FAM43A: variants seen among roughly 807,000 people sequenced by gnomAD.
FAM43A encodes family with sequence similarity 43 member A, also known as protein FAM43A.
Under a neutral mutation model 15.7 loss-of-function variants are expected in FAM43A, and 11 were observed. That is an observed-to-expected ratio of 0.70 (90% CI 0.44 to 1.16). FAM43A has a LOEUF of 1.16. FAM43A is among the 50% of genes most tolerant of loss of function. FAM43A has a pLI of 0.00. For missense variants in FAM43A, 573 were observed against 620.0 expected (o/e 0.92, Z 0.80); for synonymous variants, 319 against 291.7 (o/e 1.09, Z -0.96).
rs1200647182 is a variant in FAM43A, at chr3:194,687,799, C to G, written c.973C>G (p.Leu325Val). 1 of 1,458,972 alleles carries G rather than the reference C, an allele frequency of 6.9e-7. No individual in the cohort carries two copies. Among genetic ancestry groups the G allele is most frequent in the Non-Finnish European group, 9.1e-7 (1 of 1,102,132 alleles). 90.4% of individuals were successfully genotyped at this position (1,458,972 alleles called of 1,614,324 possible). A position where few individuals can be genotyped will look rare whatever the true frequency, so the allele number is the denominator to read the frequency against. The change falls in exon 1 of 1, where the codon CTA becomes GTA. Residue 325 changes from leucine (L) to valine (V), a missense_variant. Coordinates refer to ENST00000329759, the MANE Select transcript of FAM43A (RefSeq NM_153690.5). ...DTLENGRGEA[L>V]GGGGGSLGPG... ...TCTGGAGAATGGCCGTGGGGAGGCG[C>G]TAGGAGGCGGCGGGGGCTCCCTGGG...
chr3:194,686,699 C>T lies in FAM43A; in HGVS notation c.-128C>T, dbSNP rs1054399072. 53 of 965,228 alleles carry T rather than the reference C, an allele frequency of 5.5e-5. No individual in the cohort carries two copies. Among genetic ancestry groups the T allele is most frequent in the Middle Eastern group, 3.5e-4 (1 of 2,860 alleles). 59.8% of individuals were successfully genotyped at this position (965,228 alleles called of 1,614,324 possible). The stretch of plus-strand genomic sequence containing the variant: ...CTCCCCCCAACTCCCTACCACAGGG[C>T]CGCTCCCAGTAGTTTTATTCTTCGA... On this transcript the variant is annotated 5_prime_UTR_variant, in exon 1 of 1. Coordinates refer to ENST00000329759, the MANE Select transcript of FAM43A (RefSeq NM_153690.5).
In FAM43A at chr3:194,686,700, C is replaced by G. The variant is rs893047303; in HGVS notation, c.-127C>G. The G allele has an allele frequency of 2.1e-6, 2 of 972,738 alleles. No individual in the cohort carries two copies. The highest frequency in any genetic ancestry group is 2.7e-6 in the Non-Finnish European group (2 of 737,908). The allele number at this position is 972,738 out of a possible 1,614,324, so 60.3% of individuals were successfully genotyped here. On this transcript the variant is annotated 5_prime_UTR_variant, in exon 1 of 1. Transcript: ENST00000329759. ...TCCCCCCAACTCCCTACCACAGGGC[C>G]GCTCCCAGTAGTTTTATTCTTCGAT...
In FAM43A at chr3:194,686,022, C is replaced by T. The variant is rs1159877471; in HGVS notation, c.-805C>T. Among the ~76,000 whole-genome samples, 5 of 152,302 alleles carry T rather than the reference C, an allele frequency of 3.3e-5. No individual in the cohort carries two copies. The highest frequency in any genetic ancestry group is 1.2e-4 in the African/African-American group (5 of 41,564). On this transcript the variant is annotated 5_prime_UTR_variant, in exon 1 of 1. Coordinates refer to ENST00000329759, the MANE Select transcript of FAM43A (RefSeq NM_153690.5). Reference sequence around the variant, plus strand: ...GGAAGAAATGAGGTAGCGGCGGTTCCCGGACCCGGCCATGCCCGTCCCCTG... The same window carrying T: ...GGAAGAAATGAGGTAGCGGCGGTTCTCGGACCCGGCCATGCCCGTCCCCTG...
Position 194,686,765 on chromosome 3 carries a change from G to A in FAM43A, c.-62G>A, listed in dbSNP as rs1004047025. On this transcript the variant is annotated 5_prime_UTR_variant, in exon 1 of 1. Transcript: ENST00000329759. The stretch of plus-strand genomic sequence containing the variant: ...GCCTGGCAGGGGCCGGTGGCTCAGC[G>A]GGCCTCGCACCCGGCGCTCCGCCGC... 7 of 1,340,746 alleles carry A rather than the reference G, an allele frequency of 5.2e-6. No individual in the cohort carries two copies. In the African/African-American group the frequency reaches 9.3e-5, roughly 18 times the overall value. The allele number at this position is 1,340,746 out of a possible 1,614,324, so 83.1% of individuals were successfully genotyped here.
At position 194,686,972 on chromosome 3, in the gene FAM43A, G is replaced by A; in HGVS notation, c.146G>A (p.Arg49Gln). ...ARACPEGALS[R>Q]VGSMFRSKRK... ...GCGTGCCCCGAAGGCGCGCTTAGCC[G>A]GGTGGGCAGCATGTTCCGCTCCAAG... Residue 49 changes from arginine (R) to glutamine (Q), a missense_variant, in exon 1 of 1, where the codon CGG becomes CAG. Arg to Gln is a conservative substitution (Grantham distance 43). Transcript: ENST00000329759. 1 of 1,610,888 alleles carries A rather than the reference G, an allele frequency of 6.2e-7. No individual in the cohort carries two copies. Among genetic ancestry groups the A allele is most frequent in the Non-Finnish European group, 8.5e-7 (1 of 1,178,070 alleles).
rs1719464278 is a variant in FAM43A, at chr3:194,688,022, ACGCCACCTC to A, written c.1204_1212del (p.Ser402_Thr404del). 6 of 1,419,810 alleles carry A rather than the reference ACGCCACCTC, an allele frequency of 4.2e-6. No individual in the cohort carries two copies. The highest frequency in any genetic ancestry group is 1.7e-5 in the South Asian group (1 of 59,956). 88.0% of individuals were successfully genotyped at this position (1,419,810 alleles called of 1,614,324 possible). A position where few individuals can be genotyped will look rare whatever the true frequency, so the allele number is the denominator to read the frequency against. On this transcript the variant is annotated inframe_deletion, in exon 1 of 1. Transcript: ENST00000329759. ...AGCTCCATCGAGGGCGGGGGCCCTG[ACGCCACCTC>A]CGCCACCGCCGGGGACTCGTCCCGC...
Position 194,687,159 on chromosome 3 carries a change from G to A in FAM43A, c.333G>A (p.Leu111=). ...GCCGTCAGGGCACCAAGATGAAGCT[G>A]ACGGTGAGTGCGCAGGGTATCCGCA... ...EAGRQGTKMK[L]TVSAQGIRMV... is the part of the protein sequence containing the mutation. The change falls in exon 1 of 1, where the codon CTG becomes CTA. Residue 111 remains leucine (L), a synonymous_variant. Coordinates refer to ENST00000329759, the MANE Select transcript of FAM43A (RefSeq NM_153690.5). 1 of 1,612,244 alleles carries A rather than the reference G, an allele frequency of 6.2e-7. No homozygotes were observed. The highest frequency in any genetic ancestry group is 1.3e-5 in the African/African-American group (1 of 75,068).
Position 194,688,291 on chromosome 3 carries a change from T to C in FAM43A, c.*193T>C. The C allele has an allele frequency of 1.7e-6, 1 of 595,438 alleles. No individual in the cohort carries two copies. Among genetic ancestry groups the C allele is most frequent in the Non-Finnish European group, 2.5e-6 (1 of 394,304 alleles). The allele number at this position is 595,438 out of a possible 1,614,324, so 36.9% of individuals were successfully genotyped here. On this transcript the variant is annotated 3_prime_UTR_variant, in exon 1 of 1. Transcript: ENST00000329759. ...GGCCCCCGCTCCCGCCCCAGCACTTTTGGCTCTGTTGCGCGTGGGGATGCG... is the reference window on the plus strand; with the variant it reads ...GGCCCCCGCTCCCGCCCCAGCACTTCTGGCTCTGTTGCGCGTGGGGATGCG...
chr3:194,687,659 G>T lies in FAM43A; in HGVS notation c.833G>T (p.Cys278Phe), dbSNP rs1350165768. The T allele has an allele frequency of 3.2e-6, 5 of 1,562,720 alleles. No homozygotes were observed. In the South Asian group the frequency reaches 4.7e-5, roughly 15 times the overall value. The change falls in exon 1 of 1, where the codon TGC becomes TTC. Residue 278 changes from cysteine (C) to phenylalanine (F), a missense_variant. Physicochemically the swap from Cys to Phe is radical, Grantham distance 205 (BLOSUM62 -2). Transcript: ENST00000329759. ...GAGGAAGAGGAGCAACCCGAGGGCT[G>T]CCCGGAGGAGGAGGAGAACCGTGCG... ...EEEEEEQPEG[C>F]PEEEENRAAE...
In FAM43A at chr3:194,686,429, T is replaced by G; in HGVS notation, c.-398T>G. On this transcript the variant is annotated 5_prime_UTR_variant, in exon 1 of 1. Transcript: ENST00000329759. ...CCGGGTGCTGTTGCTGGGGCTCTCT[T>G]TATTTGCACGCGCGCTTCTAGCTTT... 1.2e-5 allele frequency: 2 copies of G among 164,884 alleles called. No individual in the cohort carries two copies. Among genetic ancestry groups the G allele is most frequent in the Non-Finnish European group, 2.6e-5 (2 of 77,108 alleles). 10.2% of individuals were successfully genotyped at this position (164,884 alleles called of 1,614,324 possible).
chr3:194,686,480 T>C lies in FAM43A; in HGVS notation c.-347T>C, dbSNP rs116413184. ...TTTCCTGACATTTTCCACTCTACGC[T>C]CGTTCTTTCTCCCTTGCATTTTGTT... On this transcript the variant is annotated 5_prime_UTR_variant, in exon 1 of 1. Transcript: ENST00000329759. 9.4e-3 allele frequency: 2,028 copies of C among 216,352 alleles called. 50 individuals carry two copies. Among genetic ancestry groups the C allele is most frequent in the African/African-American group, 0.044 (1,910 of 43,686 alleles). 13.4% of individuals were successfully genotyped at this position (216,352 alleles called of 1,614,324 possible).
At position 194,687,835 on chromosome 3, in the gene FAM43A, GGGC is replaced by G; in HGVS notation, c.1010_1012del (p.Gly337_Pro338delinsAla). 1 of 1,447,760 alleles carries G rather than the reference GGGC, an allele frequency of 6.9e-7. No individual in the cohort carries two copies. Among genetic ancestry groups the G allele is most frequent in the Non-Finnish European group, 9.1e-7 (1 of 1,098,336 alleles). The allele number at this position is 1,447,760 out of a possible 1,614,324, so 89.7% of individuals were successfully genotyped here. A position where few individuals can be genotyped will look rare whatever the true frequency, so the allele number is the denominator to read the frequency against. On this transcript the variant is annotated inframe_deletion, in exon 1 of 1. Coordinates refer to ENST00000329759, the MANE Select transcript of FAM43A (RefSeq NM_153690.5). ...CGGGGGCTCCCTGGGCCCGGGGGCC[GGGC>G]CGCCGCCTCTGCTGCTGGGCAGCGC...
At position 194,687,222 on chromosome 3, in the gene FAM43A, C is replaced by T; in HGVS notation, c.396C>T (p.Gly132=). The change falls in exon 1 of 1, where the codon GGC becomes GGT. Residue 132 remains glycine, a synonymous_variant. Coordinates refer to ENST00000329759, the MANE Select transcript of FAM43A (RefSeq NM_153690.5). ...HAEERALRRP[G]HLYLLHRVTY... ...AGGAGCGCGCGCTGCGCCGCCCGGG[C>T]CACCTCTACCTGCTGCACCGCGTCA... 6.2e-7 allele frequency: 1 copy of T among 1,603,356 alleles called. No homozygotes were observed. The highest frequency in any genetic ancestry group is 2.2e-5 in the East Asian group (1 of 44,828).
Position 194,686,084 on chromosome 3 carries a change from C to A in FAM43A, c.-743C>A, listed in dbSNP as rs1025934045. On this transcript the variant is annotated 5_prime_UTR_variant, in exon 1 of 1. Coordinates refer to ENST00000329759, the MANE Select transcript of FAM43A (RefSeq NM_153690.5). The stretch of plus-strand genomic sequence containing the variant: ...CAGCGCCGTCTCGGCCAGGCCAGCC[C>A]GGACACTGAGCGGGCCGAGCGCGAG... 6.6e-6 allele frequency among the ~76,000 whole-genome samples: 1 copy of A among 152,232 alleles called. No individual in the cohort carries two copies. Among genetic ancestry groups the A allele is most frequent in the Non-Finnish European group, 1.5e-5 (1 of 68,044 alleles).
In FAM43A at chr3:194,687,987, G is replaced by C. The variant is rs11914982; in HGVS notation, c.1161G>C (p.Thr387=). ...RVTRLLSGDS[T]GSESSIEGGG... ...CGCGCCTGCTGTCAGGCGACAGCAC[G>C]GGCAGCGAGAGCTCCATCGAGGGCG... Residue 387 remains threonine (T), a synonymous_variant, in exon 1 of 1, where the codon ACG becomes ACC. Transcript: ENST00000329759. 52,231 of 1,429,858 alleles carry C rather than the reference G, an allele frequency of 0.037. 2,967 individuals are homozygous for C. Among genetic ancestry groups the C allele is most frequent in the African/African-American group, 0.25 (16,982 of 67,072 alleles). 88.6% of individuals were successfully genotyped at this position (1,429,858 alleles called of 1,614,324 possible). A position where few individuals can be genotyped will look rare whatever the true frequency, so the allele number is the denominator to read the frequency against.
chr3:194,687,705 G>A lies in FAM43A; in HGVS notation c.879G>A (p.Glu293=), dbSNP rs1430667869. The A allele has an allele frequency of 1.9e-6, 3 of 1,562,772 alleles. No individual in the cohort carries two copies. The Middle Eastern group carries it at 5.0e-4, about 261-fold the overall frequency. The change falls in exon 1 of 1, where the codon GAG becomes GAA. Residue 293 remains glutamate (E), a synonymous_variant. Coordinates refer to ENST00000329759, the MANE Select transcript of FAM43A (RefSeq NM_153690.5). The part of the protein sequence containing the change: ...ENRAAEGDPA[E]EEAEAQRALV... ...GTGCGGCAGAGGGAGATCCAGCAGAGGAGGAGGCCGAGGCGCAGCGTGCGC... is the reference window on the plus strand; with the variant it reads ...GTGCGGCAGAGGGAGATCCAGCAGAAGAGGAGGCCGAGGCGCAGCGTGCGC...
rs530650379 is a variant in FAM43A, at chr3:194,688,153, A to T, written c.*55A>T. ...GTGGCTACCCATCCGTGGTCCCGAC[A>T]ACCTCCCTGTCCCTTGCCCGCCCCC... On this transcript the variant is annotated 3_prime_UTR_variant, in exon 1 of 1. Transcript: ENST00000329759. 3.0e-4 allele frequency: 387 copies of T among 1,300,210 alleles called. 2 individuals are homozygous for T. The African/African-American group carries it at 5.6e-3, about 19-fold the overall frequency. 80.5% of individuals were successfully genotyped at this position (1,300,210 alleles called of 1,614,324 possible).
At position 194,687,492 on chromosome 3, in the gene FAM43A, G is replaced by C. The variant is rs748069915; in HGVS notation, c.666G>C (p.Pro222=). 1 of 1,541,960 alleles carries C rather than the reference G, an allele frequency of 6.5e-7. No individual in the cohort carries two copies. The highest frequency in any genetic ancestry group is 8.8e-7 in the Non-Finnish European group (1 of 1,141,250). ...AGCTGGTGGGCGCACACACCATCCCGCTAGTGCCGCTGCGCAAGCTGCTCC... is the reference window on the plus strand; with the variant it reads ...AGCTGGTGGGCGCACACACCATCCCCCTAGTGCCGCTGCGCAAGCTGCTCC... The part of the protein sequence containing the change: ...QQELVGAHTI[P]LVPLRKLLLH... The change falls in exon 1 of 1, where the codon CCG becomes CCC. Residue 222 remains proline, a synonymous_variant. Transcript: ENST00000329759.
Position 194,687,830 on chromosome 3 carries a change from G to T in FAM43A, c.1004G>T (p.Gly335Val). 2 of 1,447,204 alleles carry T rather than the reference G, an allele frequency of 1.4e-6. No homozygotes were observed. Among genetic ancestry groups the T allele is most frequent in the South Asian group, 3.0e-5 (2 of 67,222 alleles). The allele number at this position is 1,447,204 out of a possible 1,614,324, so 89.6% of individuals were successfully genotyped here. ...GGCGGCGGGGGCTCCCTGGGCCCGGGGGCCGGGCCGCCGCCTCTGCTGCTG... is the reference window on the plus strand; with the variant it reads ...GGCGGCGGGGGCTCCCTGGGCCCGGTGGCCGGGCCGCCGCCTCTGCTGCTG... ...LGGGGGSLGP[G>V]AGPPPLLLGS... Residue 335 changes from glycine to valine, a missense_variant, in exon 1 of 1, where the codon GGG becomes GTG. Coordinates refer to ENST00000329759, the MANE Select transcript of FAM43A (RefSeq NM_153690.5).
Sources: gnomAD v4.1 joint callset for allele counts (sites outside exome capture counted in the v4.1 genomes callset) on GRCh38, gnomAD v4.1.1 for gene constraint, MANE v1.5 for transcripts, NCBI Gene and HGNC (gene_info 2026-07-23, HGNC 2026-07-21) for gene names.